CES5A: variants seen among roughly 807,000 people sequenced by gnomAD.
CES5A encodes carboxylesterase 5.
Under a neutral mutation model 62.9 loss-of-function variants are expected in CES5A, and 67 were observed. The observed-to-expected ratio is 1.07, with a 90% CI of 0.88 to 1.31. The LOEUF is 1.31. CES5A is among the 50% of genes most tolerant of loss of function. The probability of loss-of-function intolerance (pLI) is 0.00; values close to 1 mark genes in which losing one functional copy is unlikely to be tolerated. For missense variants in CES5A, 748 were observed against 708.5 expected (o/e 1.06, Z -0.63); for synonymous variants, 296 against 280.8 (o/e 1.05, Z -0.54).
intron 6 of CES5A, among the ~76,000 whole-genome samples, chr16:55,862,457 C>G (rs1390951683): frequency 6.6e-6 from 1 of 152,140 alleles, no homozygotes; most frequent in Non-Finnish European, 1.5e-5. Flanking sequence ...GTGCTTTCTC[C>G]ACTGATAAAT....
At chr16:55,904,151 T>C (rs1411068272) in intron 1 of CES5A, among the ~76,000 whole-genome samples, 4 of 152,070 alleles carry the variant, frequency 2.6e-5, no homozygotes, top group Non-Finnish European at 4.4e-5. Context: ...AAAATAAAAA[T>C]AAAATGAGGA....
intron 3 of CES5A, 76 bp from the exon 4 acceptor site, chr16:55,869,820 T>G (rs2033546656): frequency 1.3e-6 from 2 of 1,499,674 alleles, no homozygotes; most frequent in Admixed American, 4.6e-5. Context: ...AGGCACACGT[T>G]CTTAAGGTGA....
At chr16:55,854,858 T>A (rs1478335441) in intron 9 of CES5A, among the ~76,000 whole-genome samples, 2 of 151,930 alleles carry the variant, frequency 1.3e-5, no homozygotes, top group African/African-American at 4.8e-5. Context: ...AAAATAGAAA[T>A]CAAATGTCCT....
At chr16:55,906,685 G>A (rs1300112247) in intron 1 of CES5A, among the ~76,000 whole-genome samples, 1 of 152,310 alleles carries the variant, frequency 6.6e-6, no homozygotes, top group Non-Finnish European at 1.5e-5. Context: ...CCAAGAGAGG[G>A]GCTTCCCAGG....
At chr16:55,900,293 G>A (rs933426387) in intron 1 of CES5A, among the ~76,000 whole-genome samples, 4 of 152,180 alleles carry the variant, frequency 2.6e-5, no homozygotes, top group African/African-American at 4.8e-5. Context: ...CTGTTTGCTT[G>A]AAAAGAAAGA....
At chr16:55,918,907 C>T (rs560151056) in intron 1 of CES5A, among the ~76,000 whole-genome samples, 8 of 152,334 alleles carry the variant, frequency 5.3e-5, no homozygotes, top group African/African-American at 1.7e-4. Flanking sequence ...TTCCCCACCC[C>T]TACAAATCTC....
intron 9 of CES5A, among the ~76,000 whole-genome samples, chr16:55,853,924 A>G (rs2033181137): frequency 1.3e-5 from 2 of 152,190 alleles, no homozygotes; most frequent in South Asian, 4.1e-4. Context: ...GGAGGCAAGG[A>G]AGTGTACACC....
intron 2 of CES5A, among the ~76,000 whole-genome samples, chr16:55,947,879 G>A (rs1220009203): frequency 1.3e-5 from 2 of 151,934 alleles, no homozygotes; most frequent in Admixed American, 1.3e-4. Context: ...AGCCTTGGGG[G>A]CCATGGAAGG....
chr16:55,847,363 C>T (rs949215194), intron 11 of CES5A, among the ~76,000 whole-genome samples: 2 of 151,208 alleles, frequency 1.3e-5, no homozygotes, highest in South Asian at 4.2e-4. Flanking sequence ...TGTCTTCCCT[C>T]TCTCTTGCTT....
At chr16:55,876,351 C>G (rs1041666669), upstream of CES5A, among the ~76,000 whole-genome samples, 1 of 150,878 alleles carries the variant, frequency 6.6e-6, no homozygotes, top group Non-Finnish European at 1.5e-5. Flanking sequence ...GAAGAGCAAG[C>G]CAATATATGT....
intron 1 of CES5A, among the ~76,000 whole-genome samples, chr16:55,910,009 C>G (rs1380224391): frequency 6.6e-6 from 1 of 152,208 alleles, no homozygotes; most frequent in African/African-American, 2.4e-5. Flanking sequence ...GGACATTCAC[C>G]TCTGCTCCCT....
In CES5A at chr16:55,911,772, C is replaced by A. The variant is rs934786062; in HGVS notation, c.-256+13551G>T. ...AGACTGACCCAACTCACATAGAGAG[C>A]AAAACGCAGAACTGGGCCAGAATCC... On this transcript the variant is annotated intron_variant, in intron 1 of 12. Transcript: ENST00000518005. 2.0e-5 allele frequency among the ~76,000 whole-genome samples: 3 copies of A among 152,248 alleles called. No homozygotes were observed. The South Asian group carries it at 6.2e-4, about 32-fold the overall frequency.
At chr16:55,905,287 T>C (rs2065375012) in intron 1 of CES5A, among the ~76,000 whole-genome samples, 1 of 152,092 alleles carries the variant, frequency 6.6e-6, no homozygotes, top group African/African-American at 2.4e-5. Context: ...GGGAGTTTCA[T>C]GGCTAGGGGT....
At chr16:55,865,130 C>T (rs1446139151) in intron 5 of CES5A, among the ~76,000 whole-genome samples, 5 of 152,158 alleles carry the variant, frequency 3.3e-5, no homozygotes, top group African/African-American at 1.2e-4. Flanking sequence ...TGGTTGAACC[C>T]AGGAGGCGGA....
At chr16:55,882,273 T>G (rs1442748852) in intron 1 of CES5A, among the ~76,000 whole-genome samples, 1 of 152,160 alleles carries the variant, frequency 6.6e-6, no homozygotes, top group Non-Finnish European at 1.5e-5. Context: ...TATCTCCTAA[T>G]GGAAAGTTCT....
intron 1 of CES5A, among the ~76,000 whole-genome samples, chr16:55,893,114 G>A (rs2033898172): frequency 6.6e-6 from 1 of 152,066 alleles, no homozygotes; most frequent in African/African-American, 2.4e-5. Context: ...GCTGAGGGAA[G>A]GGCTAGAAAA....
At chr16:55,852,776 A>G in intron 10 of CES5A, 105 bp downstream of exon 10, 4 of 1,313,728 alleles carry the variant, frequency 3.0e-6, no homozygotes, top group Non-Finnish European at 4.2e-6. Context: ...ACTTTCCATG[A>G]TAGAACAGAG....
In CES5A at chr16:55,869,763, C is replaced by A; in HGVS notation, c.418-19G>T. ...CCAAGACCTGAGGAGGGGAGAAGAG[C>A]ATCCAGTCAGCCCACCAGGCACCAC... On this transcript the variant is annotated intron_variant, in intron 3 of 12. Coordinates refer to ENST00000290567, the MANE Select transcript of CES5A (RefSeq NM_001143685.2). 6.3e-7 allele frequency: 1 copy of A among 1,589,204 alleles called. No homozygotes were observed. Among genetic ancestry groups the A allele is most frequent in the Non-Finnish European group, 8.6e-7 (1 of 1,165,366 alleles).
At chr16:55,896,528 T>C (rs1260082200) in intron 1 of CES5A, among the ~76,000 whole-genome samples, 3 of 152,236 alleles carry the variant, frequency 2.0e-5, no homozygotes, top group Non-Finnish European at 4.4e-5. Context: ...TTCTTTTCTT[T>C]ATAAATTGTG....
Sources: gnomAD v4.1 joint callset for allele counts (sites outside exome capture counted in the v4.1 genomes callset) on GRCh38, gnomAD v4.1.1 for gene constraint, MANE v1.5 for transcripts, NCBI Gene and HGNC (gene_info 2026-07-23, HGNC 2026-07-21) for gene names.